Variants in MALRD1 observed in about 807,000 individuals in gnomAD.
MALRD1 encodes the protein MAM and LDL-receptor class A domain-containing protein 1.
A neutral mutation model predicts 242.1 loss-of-function variants in MALRD1; 247 were observed. The observed-to-expected ratio is 1.02, with a 90% CI of 0.92 to 1.13. MALRD1 has a LOEUF of 1.13. Ranked by LOEUF, MALRD1 falls within the 50% of genes most tolerant of loss-of-function variation. The pLI, the probability that MALRD1 is intolerant of heterozygous loss-of-function variation, is 0.00. For synonymous variants in MALRD1, 995 were observed against 866.6 expected (o/e 1.15, Z -2.60); for missense variants, 2,989 against 2,533.1 (o/e 1.18, Z -3.86).
intron 32 of MALRD1, among the ~76,000 whole-genome samples, chr10:19,562,803 C>T (rs1836046024): frequency 6.6e-6 from 1 of 152,034 alleles, no homozygotes; most frequent in Non-Finnish European, 1.5e-5. Flanking sequence ...AAGCATGAAC[C>T]CTACTGTGAC....
intron 18 of MALRD1, among the ~76,000 whole-genome samples, chr10:19,247,515 T>C (rs1423956057): frequency 6.6e-6 from 1 of 151,850 alleles, no homozygotes; most frequent in Non-Finnish European, 1.5e-5. Flanking sequence ...TGTTAAATTA[T>C]AGATTTTGAT....
At chr10:19,512,979 T>C (rs1232328309) in intron 31 of MALRD1, among the ~76,000 whole-genome samples, 1 of 152,202 alleles carries the variant, frequency 6.6e-6, no homozygotes, top group Non-Finnish European at 1.5e-5. Flanking sequence ...TAATTTTAAA[T>C]AACACATTTG....
intron 28 of MALRD1, among the ~76,000 whole-genome samples, chr10:19,430,004 A>C (rs918590706): frequency 6.6e-6 from 1 of 151,958 alleles, no homozygotes; most frequent in Admixed American, 6.6e-5. Flanking sequence ...TGATGTTCTC[A>C]ACATCTCAGA....
chr10:19,096,837 C>G (rs915215966), intron 4 of MALRD1, among the ~76,000 whole-genome samples: 6 of 152,306 alleles, frequency 3.9e-5, no homozygotes, highest in East Asian at 3.9e-4. Context: ...TCGGTCCCAG[C>G]TGGATCCCAG....
At chr10:19,055,051 C>G (rs1834621348) in intron 1 of MALRD1, among the ~76,000 whole-genome samples, 1 of 152,114 alleles carries the variant, frequency 6.6e-6, no homozygotes, top group Non-Finnish European at 1.5e-5. Flanking sequence ...CTGTATTCTG[C>G]CAGCACTTGT....
At chr10:19,453,002 C>T (rs569536192) in intron 29 of MALRD1, among the ~76,000 whole-genome samples, 15 of 152,122 alleles carry the variant, frequency 9.9e-5, no homozygotes, top group African/African-American at 1.9e-4. Flanking sequence ...ATATTAAATA[C>T]GTTAAAATAT....
At chr10:19,409,275 T>C (rs1317140895) in intron 28 of MALRD1, among the ~76,000 whole-genome samples, 1 of 152,112 alleles carries the variant, frequency 6.6e-6, no homozygotes, top group Non-Finnish European at 1.5e-5. Context: ...ATTTTTGAAA[T>C]GACCGAATTC....
intron 1 of MALRD1, among the ~76,000 whole-genome samples, chr10:19,057,003 T>G (rs1485230599): frequency 6.6e-6 from 1 of 152,210 alleles, no homozygotes; most frequent in Non-Finnish European, 1.5e-5. Flanking sequence ...GAACCATACT[T>G]ACAGTCCTGA....
At chr10:19,566,123 A>T (rs1045411588) in intron 32 of MALRD1, among the ~76,000 whole-genome samples, 3 of 151,296 alleles carry the variant, frequency 2.0e-5, no homozygotes, top group Non-Finnish European at 4.4e-5. Context: ...TAAATTTTGG[A>T]TATATATTTT....
chr10:19,504,961 C>T (rs990763175), intron 31 of MALRD1, among the ~76,000 whole-genome samples: 5 of 151,982 alleles, frequency 3.3e-5, no homozygotes, highest in Non-Finnish European at 5.9e-5. Flanking sequence ...GGATTACAGG[C>T]GTGAGCCACC....
At chr10:19,148,790 T>TATATATATATATATATATATATATATAG (rs1833822901) in intron 11 of MALRD1, among the ~76,000 whole-genome samples, 1 of 74,814 alleles carries the variant, frequency 1.3e-5, no homozygotes, top group Non-Finnish European at 3.5e-5. Context: ...AAAAAAAAAA[T>TATATATATATATATATATATATATATAG]ATATATATAT....
rs184140085 is a variant in MALRD1, at chr10:19,066,968, A to G, written c.340+109A>G. On this transcript the variant is annotated intron_variant, in intron 2 of 39. Coordinates refer to ENST00000454679, the MANE Select transcript of MALRD1 (RefSeq NM_001142308.3). ...CTCCCTTTCTTCCGTTCCCCACCAC[A>G]TGTTTAATTAGGGAAGCAGAATCTT... 18 of 765,944 alleles carry G rather than the reference A, an allele frequency of 2.4e-5. No homozygotes were observed. The East Asian group carries it at 3.4e-4, about 14-fold the overall frequency. The allele number at this position is 765,944 out of a possible 1,614,324, so 47.4% of individuals were successfully genotyped here.
chr10:19,510,285 C>G (rs1383366436), intron 31 of MALRD1, among the ~76,000 whole-genome samples: 2 of 152,136 alleles, frequency 1.3e-5, no homozygotes, highest in Non-Finnish European at 2.9e-5. Flanking sequence ...ATGCCTTCCT[C>G]TTACCTCAAC....
intron 26 of MALRD1, among the ~76,000 whole-genome samples, chr10:19,365,634 G>T (rs1588970575): frequency 7.6e-6 from 1 of 131,600 alleles, no homozygotes. Flanking sequence ...TTCTCAGTCT[G>T]ATAATTGACA....
intron 31 of MALRD1, among the ~76,000 whole-genome samples, chr10:19,504,318 T>G (rs1838101531): frequency 6.6e-6 from 1 of 152,180 alleles, no homozygotes; most frequent in Non-Finnish European, 1.5e-5. Flanking sequence ...GTGTGTTCTT[T>G]CCTTATAAAC....
chr10:19,159,177 A>C (rs1240735301), intron 12 of MALRD1, among the ~76,000 whole-genome samples: 2 of 152,208 alleles, frequency 1.3e-5, no homozygotes, highest in Non-Finnish European at 2.9e-5. Flanking sequence ...AGGAAAAAGC[A>C]TAACTGACTA....
At chr10:19,320,908 T>A (rs1307831689) in intron 21 of MALRD1, among the ~76,000 whole-genome samples, 1 of 152,122 alleles carries the variant, frequency 6.6e-6, no homozygotes, top group African/African-American at 2.4e-5. Flanking sequence ...TGTGCCTACT[T>A]TTTGATGGGG....
At chr10:19,586,269 G>A (rs1837396211) in intron 33 of MALRD1, among the ~76,000 whole-genome samples, 1 of 152,184 alleles carries the variant, frequency 6.6e-6, no homozygotes, top group South Asian at 2.1e-4. Flanking sequence ...TTGCTGGTGA[G>A]GAACTGTGTT....
chr10:19,609,732 CA>C (rs1310131752), intron 35 of MALRD1, among the ~76,000 whole-genome samples: 2 of 151,924 alleles, frequency 1.3e-5, no homozygotes, highest in East Asian at 3.9e-4. Context: ...GCTTTGCAAC[CA>C]GAAATTATTG....
Sources: gnomAD v4.1 joint callset for allele counts (sites outside exome capture counted in the v4.1 genomes callset) on GRCh38, gnomAD v4.1.1 for gene constraint, MANE v1.5 for transcripts, NCBI Gene and HGNC (gene_info 2026-07-23, HGNC 2026-07-21) for gene names.